The following LEF1 variants were observed in gnomAD, a reference collection of about 807,000 sequenced individuals.
The protein encoded by LEF1 is lymphoid enhancer binding factor 1.
Under a neutral mutation model 51.2 loss-of-function variants are expected in LEF1, and 14 were observed. The ratio of observed to expected loss-of-function variants is 0.27; its 90% CI spans 0.18 to 0.43. LEF1 has a LOEUF of 0.43. LEF1 is among the 20% of genes least tolerant of loss of function. The pLI is 1.00. For synonymous variants in LEF1, 185 were observed against 183.2 expected (o/e 1.01, Z -0.08); for missense variants, 386 against 512.0 (o/e 0.75, Z 2.37).
At chr4:108,055,929 T>C (rs888305353) in intron 11 of LEF1, among the ~76,000 whole-genome samples, 4 of 152,188 alleles carry the variant, frequency 2.6e-5, no homozygotes, top group Non-Finnish European at 5.9e-5. Flanking sequence ...CACAGAGCTG[T>C]CTAGATAAAA....
At chr4:108,147,373 T>C (rs567042092) in intron 3 of LEF1, among the ~76,000 whole-genome samples, 3 of 152,130 alleles carry the variant, frequency 2.0e-5, no homozygotes, top group Non-Finnish European at 4.4e-5. Context: ...AAAACAAACA[T>C]CTCAGATAGC....
intron 3 of LEF1, among the ~76,000 whole-genome samples, chr4:108,127,595 G>A (rs1481530004): frequency 2.6e-5 from 4 of 152,140 alleles, no homozygotes; most frequent in Non-Finnish European, 5.9e-5. Context: ...TGGGACTACT[G>A]CTAGTATTCT....
intron 3 of LEF1, among the ~76,000 whole-genome samples, chr4:108,097,190 G>C (rs1366888529): frequency 5.3e-5 from 8 of 152,190 alleles, no homozygotes; most frequent in Non-Finnish European, 1.5e-5. Flanking sequence ...ATCAACCTCA[G>C]TGTCCATTAA....
intron 3 of LEF1, among the ~76,000 whole-genome samples, chr4:108,162,558 T>C (rs868398944): frequency 2.0e-5 from 3 of 152,070 alleles, no homozygotes; most frequent in Admixed American, 6.6e-5. Flanking sequence ...TTTCAGTTGG[T>C]AGAAACACTG....
intron 9 of LEF1, among the ~76,000 whole-genome samples, chr4:108,066,750 A>G (rs1738107667): frequency 6.6e-6 from 1 of 152,246 alleles, no homozygotes; most frequent in Non-Finnish European, 1.5e-5. Flanking sequence ...GTAAAAACAA[A>G]AAATTTTTTT....
intron 3 of LEF1, among the ~76,000 whole-genome samples, chr4:108,090,196 T>C (rs1187217554): frequency 1.3e-5 from 2 of 152,144 alleles, no homozygotes; most frequent in Non-Finnish European, 2.9e-5. Flanking sequence ...GCCAGGCTGG[T>C]TTTGAACTCC....
intron 11 of LEF1, among the ~76,000 whole-genome samples, chr4:108,062,726 G>C: frequency 6.6e-6 from 1 of 152,194 alleles, no homozygotes; most frequent in Non-Finnish European, 1.5e-5. Flanking sequence ...ACTCCAGATG[G>C]AAAGTCTGAG....
chr4:108,084,129 T>C (rs1050725053), intron 4 of LEF1, among the ~76,000 whole-genome samples: 2 of 152,220 alleles, frequency 1.3e-5, no homozygotes, highest in Non-Finnish European at 2.9e-5. Flanking sequence ...TACACTGCCC[T>C]GTAACTGTGA....
intron 3 of LEF1, among the ~76,000 whole-genome samples, chr4:108,124,598 G>C (rs915421228): frequency 1.3e-5 from 2 of 152,074 alleles, no homozygotes; most frequent in Non-Finnish European, 2.9e-5. Context: ...TCAAACCCCT[G>C]ACCTTGTGAT....
In LEF1 at chr4:108,126,804, CAAAAAAAAA is replaced by C. The variant is rs11329450; in HGVS notation, c.414+36755_414+36763del. On this transcript the variant is annotated intron_variant, in intron 3 of 11. Coordinates refer to ENST00000265165, the MANE Select transcript of LEF1 (RefSeq NM_016269.5). ...TGGGTGACAAAGGGAGACTTTCTCTCAAAAAAAAAAAAAAAAAAAAGAATAGGTGGAAAA... is the reference window on the plus strand; with the variant it reads ...TGGGTGACAAAGGGAGACTTTCTCTCAAAAAAAAAAAGAATAGGTGGAAAA... 1.1e-4 allele frequency among the ~76,000 whole-genome samples: 11 copies of C among 97,302 alleles called. No homozygotes were observed. In the South Asian group the frequency reaches 3.8e-3, roughly 34 times the overall value. 63.8% of individuals were successfully genotyped at this position (97,302 alleles called of 152,430 possible).
chr4:108,103,718 A>G (rs1017347761), intron 3 of LEF1, among the ~76,000 whole-genome samples: 2 of 152,200 alleles, frequency 1.3e-5, no homozygotes, highest in African/African-American at 4.8e-5. Context: ...GCTTAACATA[A>G]CCTGAATTTT....
At chr4:108,078,171 A>G (rs181871643) in intron 8 of LEF1, 49 bp downstream of exon 8, 1 of 1,572,184 alleles carries the variant, frequency 6.4e-7, no homozygotes, top group East Asian at 2.2e-5. Flanking sequence ...ATTTTCATGA[A>G]GCAGTTCCAT....
intron 3 of LEF1, among the ~76,000 whole-genome samples, chr4:108,107,776 C>T (rs1214057590): frequency 6.6e-6 from 1 of 152,096 alleles, no homozygotes; most frequent in Non-Finnish European, 1.5e-5. Context: ...TTTCACTCTT[C>T]ACCCCCGCCC....
At chr4:108,099,615 T>TATAAAA (rs1740673734) in intron 3 of LEF1, among the ~76,000 whole-genome samples, 1 of 118,308 alleles carries the variant, frequency 8.5e-6, no homozygotes, top group Non-Finnish European at 1.7e-5. Flanking sequence ...TATATATATA[T>TATAAAA]ATAAATAATA....
At chr4:108,099,910 T>C (rs969308971) in intron 3 of LEF1, among the ~76,000 whole-genome samples, 17 of 152,024 alleles carry the variant, frequency 1.1e-4, no homozygotes, top group Admixed American at 2.6e-4. Flanking sequence ...AACTTGCCAG[T>C]CAACTCAGAT....
chr4:108,123,246 A>G (rs1275831085), intron 3 of LEF1, among the ~76,000 whole-genome samples: 1 of 152,114 alleles, frequency 6.6e-6, no homozygotes, highest in Non-Finnish European at 1.5e-5. Context: ...ATGAACTAAG[A>G]CTGCAAACCT....
At chr4:108,155,842 G>A (rs1180413403) in intron 3 of LEF1, among the ~76,000 whole-genome samples, 1 of 152,080 alleles carries the variant, frequency 6.6e-6, no homozygotes, top group African/African-American at 2.4e-5. Flanking sequence ...GCCATCATAG[G>A]GCACTGCCTA....
intron 3 of LEF1, among the ~76,000 whole-genome samples, chr4:108,144,143 A>G (rs943597939): frequency 1.2e-4 from 18 of 152,152 alleles, no homozygotes; most frequent in Admixed American, 3.3e-4. Context: ...AGGCATTCCA[A>G]TCGCTTCACA....
At chr4:108,057,994 C>G (rs920122308) in intron 11 of LEF1, among the ~76,000 whole-genome samples, 1 of 152,016 alleles carries the variant, frequency 6.6e-6, no homozygotes, top group African/African-American at 2.4e-5. Flanking sequence ...CGGCCTCAGC[C>G]TCCTGAGCAG....
Sources: gnomAD v4.1 joint callset for allele counts (sites outside exome capture counted in the v4.1 genomes callset) on GRCh38, gnomAD v4.1.1 for gene constraint, MANE v1.5 for transcripts, NCBI Gene and HGNC (gene_info 2026-07-23, HGNC 2026-07-21) for gene names.